Variants in UTS2 observed in about 807,000 individuals in gnomAD.
The protein encoded by UTS2 is urotensin 2.
In UTS2, 10 loss-of-function variants were observed where a neutral mutation model predicts 12.6. That is an observed-to-expected ratio of 0.80 (90% CI 0.49 to 1.35). The LOEUF is 1.35. UTS2 is among the 40% of genes most tolerant of loss of function. UTS2 has a pLI of 0.00. For missense variants in UTS2, 142 were observed against 143.2 expected (o/e 0.99, Z 0.04); for synonymous variants, 52 against 50.0 (o/e 1.04, Z -0.17).
chr1:7,872,345 AAAAAAG>A, the UTS2 span, among the ~76,000 whole-genome samples: 12 of 151,314 alleles, frequency 7.9e-5, no homozygotes, highest in Admixed American at 2.6e-4. Flanking sequence ...AGAAAAAGAA[AAAAAAG>A]AAAAAGAAAT....
At chr1:7,879,851 A>C in the UTS2 span, among the ~76,000 whole-genome samples, 1 of 152,230 alleles carries the variant, frequency 6.6e-6, no homozygotes, top group African/African-American at 2.4e-5. Flanking sequence ...TATAGCAATA[A>C]ATGCCTACAT....
At chr1:7,877,144 A>G in the UTS2 span, among the ~76,000 whole-genome samples, 3 of 26,958 alleles carry the variant, frequency 1.1e-4, no homozygotes, top group Non-Finnish European at 2.6e-4. Context: ...AAAAAAAAAG[A>G]AAAAAAAAAG....
chr1:7,903,759 G>GA, the UTS2 span, among the ~76,000 whole-genome samples: 2 of 152,148 alleles, frequency 1.3e-5, no homozygotes, highest in African/African-American at 4.8e-5. Flanking sequence ...GCTTGCACAG[G>GA]AGTGTCACAT....
chr1:7,851,533 G>T (rs2097414198), intron 1 of UTS2, among the ~76,000 whole-genome samples: 1 of 152,174 alleles, frequency 6.6e-6, no homozygotes, highest in Admixed American at 6.5e-5. Flanking sequence ...TGTGGAAAGG[G>T]CACACCGGAG....
rs2097415619 is a variant in UTS2 at position 7,852,934 on chromosome 1, G to A, written c.70C>T (p.Leu24Phe). ...FLNPLLSLPL[L>F]DSREISFQLS... ...TGAAAGGATATTTCCCTGGAGTCAAGGAGAGGAAGAGATAAGAGAGGATTT... is the reference window on the plus strand; with the variant it reads ...TGAAAGGATATTTCCCTGGAGTCAAAGAGAGGAAGAGATAAGAGAGGATTT... Residue 24 changes from leucine to phenylalanine, a missense_variant, in exon 1 of 4, where the codon CTT (leucine) becomes TTT (phenylalanine). By Grantham distance (22) the Leu-to-Phe change is conservative. Transcript: ENST00000361696. 1.9e-6 allele frequency: 3 copies of A among 1,612,746 alleles called. No homozygotes were observed. Among genetic ancestry groups the A allele is most frequent in the East Asian group, 2.2e-5 (1 of 44,812 alleles).
At chr1:7,875,341 T>G in the UTS2 span, among the ~76,000 whole-genome samples, 2 of 152,238 alleles carry the variant, frequency 1.3e-5, no homozygotes, top group East Asian at 3.8e-4. Flanking sequence ...CCCAAAGGAC[T>G]GGGATTACAG....
chr1:7,860,042 A>G, the UTS2 span, among the ~76,000 whole-genome samples: 4 of 152,094 alleles, frequency 2.6e-5, no homozygotes, highest in Non-Finnish European at 4.4e-5. Flanking sequence ...GGAGACGACA[A>G]GGGTGTTTGT....
chr1:7,864,540 G>A, the UTS2 span, among the ~76,000 whole-genome samples: 11,791 of 152,240 alleles, frequency 0.077, 649 homozygotes, highest in African/African-American at 0.14. Flanking sequence ...AAGGACTGAC[G>A]TCTGTCAGCA....
the UTS2 span, among the ~76,000 whole-genome samples, chr1:7,907,304 A>C: frequency 6.6e-6 from 1 of 151,784 alleles, no homozygotes; most frequent in Non-Finnish European, 1.5e-5. Context: ...GTAGATTTAA[A>C]AAGTGAAAGA....
At chr1:7,906,192 A>C in the UTS2 span, among the ~76,000 whole-genome samples, 1 of 152,102 alleles carries the variant, frequency 6.6e-6, no homozygotes, top group East Asian at 1.9e-4. Context: ...ATTTGTGAAG[A>C]AGCATTTCAT....
the UTS2 span, among the ~76,000 whole-genome samples, chr1:7,876,237 C>T: frequency 1.3e-5 from 2 of 152,184 alleles, no homozygotes; most frequent in African/African-American, 2.4e-5. Flanking sequence ...CTACCTGCTG[C>T]CACCAGCATG....
At chr1:7,892,476 T>G in the UTS2 span, among the ~76,000 whole-genome samples, 1 of 140,010 alleles carries the variant, frequency 7.1e-6, no homozygotes, top group African/African-American at 2.7e-5. Context: ...CATGTTTTTT[T>G]TTTTTTTTTT....
chr1:7,870,922 A>G, the UTS2 span, among the ~76,000 whole-genome samples: 1 of 152,328 alleles, frequency 6.6e-6, no homozygotes, highest in South Asian at 2.1e-4. Context: ...AATAATATCA[A>G]AAAGGACTTA....
chr1:7,863,040 ATTGTATT>A, the UTS2 span, among the ~76,000 whole-genome samples: 63 of 36,580 alleles, frequency 1.7e-3, 1 homozygote, highest in South Asian at 0.014. Flanking sequence ...ATTGTATTGT[ATTGTATT>A]GTATTGTATT....
At chr1:7,880,964 T>C in the UTS2 span, among the ~76,000 whole-genome samples, 1 of 152,146 alleles carries the variant, frequency 6.6e-6, no homozygotes, top group Non-Finnish European at 1.5e-5. Flanking sequence ...GCAAGTGGGA[T>C]TTAGCCCAGG....
the UTS2 span, among the ~76,000 whole-genome samples, chr1:7,890,306 G>A: frequency 4.6e-5 from 7 of 152,004 alleles, no homozygotes; most frequent in South Asian, 2.1e-4. Context: ...CTTAACTGCC[G>A]TGGGCTAAGA....
At chr1:7,887,236 G>A in the UTS2 span, among the ~76,000 whole-genome samples, 2 of 151,702 alleles carry the variant, frequency 1.3e-5, no homozygotes, top group East Asian at 3.9e-4. Context: ...ATGGCATTAG[G>A]GTTGGAGCGG....
the UTS2 span, among the ~76,000 whole-genome samples, chr1:7,868,602 G>A: frequency 3.9e-5 from 6 of 152,218 alleles, no homozygotes; most frequent in African/African-American, 1.2e-4. Flanking sequence ...GGGCCGGAAG[G>A]CCCATGTCCC....
the UTS2 span, among the ~76,000 whole-genome samples, chr1:7,896,577 T>C: frequency 1.3e-5 from 2 of 152,098 alleles, no homozygotes; most frequent in African/African-American, 4.8e-5. Context: ...ATTATTTTAT[T>C]ATGTAAAAAT....
Sources: gnomAD v4.1 joint callset for allele counts (sites outside exome capture counted in the v4.1 genomes callset) on GRCh38, gnomAD v4.1.1 for gene constraint, MANE v1.5 for transcripts, NCBI Gene and HGNC (gene_info 2026-07-23, HGNC 2026-07-21) for gene names.